Variants in SEMA4C observed in about 807,000 individuals in gnomAD.
SEMA4C encodes the protein semaphorin 4C.
SEMA4C carries 19 observed loss-of-function variants against 89.0 expected under a neutral mutation model. The ratio of observed to expected loss-of-function variants is 0.21; its 90% CI spans 0.15 to 0.31. The LOEUF is 0.31. Among genes scored for constraint, SEMA4C ranks in the 10% least tolerant of loss-of-function variants. The pLI is 1.00. For missense variants in SEMA4C, 811 were observed against 1,107.0 expected, an observed-to-expected ratio of 0.73 and a Z score of 3.79; for synonymous variants, 428 against 472.7, an observed-to-expected ratio of 0.91 and a Z score of 1.23.
rs1574147513 is a variant in SEMA4C at position 96,863,752 on chromosome 2, A to C, written c.1373T>G (p.Val458Gly). ...CAGCTGCAGCTCCTCAATCAGGTGA[A>C]CCCAGGGCCCCAGGCTCACAGCCTT... ...LLKAVSLGPW[V>G]HLIEELQLFD... Residue 458 changes from valine (V) to glycine (G), a missense_variant, in exon 12 of 15, where the codon GTT becomes GGT. Physicochemically the swap from Val to Gly is moderately radical, Grantham distance 109 (BLOSUM62 -3). Around this residue, in one of 4 missense-constraint regions of SEMA4C, gnomAD observed 441 missense variants for 664.9 expected, o/e 0.66. Coordinates refer to ENST00000305476, the MANE Select transcript of SEMA4C (RefSeq NM_017789.5). 4.3e-6 allele frequency: 7 copies of C among 1,613,978 alleles called. No individual in the cohort carries two copies. The highest frequency in any genetic ancestry group is 5.9e-6 in the Non-Finnish European group (7 of 1,180,020).
chr2:96,869,658 G>A (rs1336815507), intron 1 of SEMA4C: 4 of 984,912 alleles, frequency 4.1e-6, no homozygotes, highest in South Asian at 9.4e-5. Flanking sequence ...CCGGGGCTGC[G>A]GGGCTGCAGG....
rs2080018604 is a variant in SEMA4C, at chr2:96,864,264, G to A, written c.1081C>T (p.Pro361Ser). The part of the protein sequence containing the change: ...EAQKWDRYTD[P>S]VPSPRPGSCI... ...GAGCCAGGCCGAGGGCTGGGTACAGGGTCAGTGTAGCGGTCCCACTTCTGG... is the reference window on the plus strand; with the variant it reads ...GAGCCAGGCCGAGGGCTGGGTACAGAGTCAGTGTAGCGGTCCCACTTCTGG... The change falls in exon 10 of 15, where the codon CCT becomes TCT. Residue 361 changes from proline (P) to serine (S), a missense_variant. By Grantham distance (74) the Pro-to-Ser change is moderately conservative (BLOSUM62 -1). This residue lies in a region of SEMA4C where 441 missense variants were observed against 664.9 expected (regional missense o/e 0.66). Transcript: ENST00000305476. The surrounding 1 kb of genome is among the most constrained non-coding windows in gnomAD (Gnocchi z 6.3). The A allele has an allele frequency of 2.5e-6, 4 of 1,614,022 alleles. No individual in the cohort carries two copies. The highest frequency in any genetic ancestry group is 1.6e-4 in the Middle Eastern group (1 of 6,062).
In SEMA4C at chr2:96,861,919, G is replaced by A. The variant is rs551462063; in HGVS notation, c.1444-25C>T. On this transcript the variant is annotated intron_variant, in intron 12 of 14. Transcript: ENST00000305476. The surrounding 1 kb of genome is among the most constrained non-coding windows in gnomAD (Gnocchi z 7.8). ...TCTGCGAGAAAAGCGGGGCGCAGGA[G>A]GGGGGTCGGCCAGGGCCACACCACG... 4.7e-5 allele frequency: 74 copies of A among 1,585,500 alleles called. 1 individual carries two copies. Among genetic ancestry groups the A allele is most frequent in the South Asian group, 1.8e-4 (16 of 88,532 alleles).
At position 96,864,258 on chromosome 2, in the gene SEMA4C, G is replaced by A; in HGVS notation, c.1087C>T (p.Pro363Ser). ...CTCACCGAGCCAGGCCGAGGGCTGG[G>A]TACAGGGTCAGTGTAGCGGTCCCAC... is the stretch of plus-strand genomic sequence containing the variant. Reference protein sequence around the residue: ...QKWDRYTDPVPSPRPGSCINN... With the variant: ...QKWDRYTDPVSSPRPGSCINN... Residue 363 changes from proline to serine, a missense_variant, in exon 10 of 15, where the codon CCC becomes TCC. By Grantham distance (74) the Pro-to-Ser change is moderately conservative. Coordinates refer to ENST00000305476, the MANE Select transcript of SEMA4C (RefSeq NM_017789.5). The surrounding 1 kb of genome is among the most constrained non-coding windows in gnomAD (Gnocchi z 6.3). 6.2e-7 allele frequency: 1 copy of A among 1,614,058 alleles called. No homozygotes were observed. Among genetic ancestry groups the A allele is most frequent in the Non-Finnish European group, 8.5e-7 (1 of 1,180,020 alleles).
At chr2:96,868,730 C>A in intron 1 of SEMA4C, 1 of 984,144 alleles carries the variant, frequency 1.0e-6, no homozygotes, top group Non-Finnish European at 1.2e-6. Flanking sequence ...TCCGGCGGCG[C>A]GCGCAGGCGA....
In SEMA4C at chr2:96,863,948, A is replaced by G. The variant is rs1348629809; in HGVS notation, c.1308T>C (p.Tyr436=). 2 of 1,613,068 alleles carry G rather than the reference A, an allele frequency of 1.2e-6. No homozygotes were observed. Among genetic ancestry groups the G allele is most frequent in the Admixed American group, 1.7e-5 (1 of 59,968 alleles). ...DRVTGLDGAT[Y]TVLFIGTGDG... ...CACCTGTGCCAATGAACAGCACTGT[A>G]TAGGTGGCTCCATCAAGTCCTGTAA... The change falls in exon 11 of 15, where the codon TAT becomes TAC. Residue 436 remains tyrosine, a synonymous_variant. Transcript: ENST00000305476.
chr2:96,861,031 C>G lies in SEMA4C; in HGVS notation c.2097G>C (p.Lys699Asn). The change falls in exon 15 of 15, where the codon AAG (lysine) becomes AAC (asparagine). Residue 699 changes from lysine to asparagine, a missense_variant. Lys to Asn is a moderately conservative substitution (Grantham distance 94, BLOSUM62 0). Coordinates refer to ENST00000305476, the MANE Select transcript of SEMA4C (RefSeq NM_017789.5). This position sits in a 1 kb window ranked among gnomAD's most constrained non-coding sequence, Gnocchi z 7.8. ...GGTACACCAAGGTCCTCTCAGTAGC[C>G]TTGGCCCCTTTCTCCAGCTCTTCCC... ...RLREELEKGA[K>N]ATERTLVYPL... is the part of the protein sequence containing the mutation. 3.7e-6 allele frequency: 6 copies of G among 1,612,962 alleles called. No individual in the cohort carries two copies. Among genetic ancestry groups the G allele is most frequent in the Non-Finnish European group, 5.1e-6 (6 of 1,180,004 alleles).
At chr2:96,869,168 C>T (rs1407946825) in intron 1 of SEMA4C, 3 of 985,284 alleles carry the variant, frequency 3.0e-6, no homozygotes, top group Admixed American at 6.1e-5. Context: ...ACGCCCGCGG[C>T]CTCATCTCGG....
In SEMA4C at chr2:96,864,416, CCCA is replaced by C. The variant is rs2080022473; in HGVS notation, c.963-37_963-35del. On this transcript the variant is annotated intron_variant, in intron 9 of 14. Coordinates refer to ENST00000305476, the MANE Select transcript of SEMA4C (RefSeq NM_017789.5). The surrounding 1 kb of genome is among the most constrained non-coding windows in gnomAD (Gnocchi z 6.3). Reference sequence around the variant, plus strand: ...GCGAGAGGGAGCCCAGGGTCAGGTACCCACCTTATCTCTTCCCACCCCAGCTAA... The same window carrying C: ...GCGAGAGGGAGCCCAGGGTCAGGTACCCTTATCTCTTCCCACCCCAGCTAA... 2 of 1,609,578 alleles carry C rather than the reference CCCA, an allele frequency of 1.2e-6. No individual in the cohort carries two copies. Among genetic ancestry groups the C allele is most frequent in the Non-Finnish European group, 1.7e-6 (2 of 1,179,568 alleles).
chr2:96,865,623 G>A (rs761318115), intron 5 of SEMA4C, 43 bp downstream of exon 5: 2 of 1,600,058 alleles, frequency 1.2e-6, no homozygotes, highest in African/African-American at 2.7e-5. Context: ...AGGGTGAGGA[G>A]GGCGGGGGGC....
rs1392666943 is a variant in SEMA4C, at chr2:96,865,493, C to G, written c.465G>C (p.Gly155=). The change falls in exon 6 of 15, where the codon GGG becomes GGC. Residue 155 remains glycine, a synonymous_variant. Transcript: ENST00000305476. ...FTLEHGEFED[G]KGKCPYDPAK... Reference sequence around the variant, plus strand: ...CTGGGTCATAGGGACACTTGCCCTTCCCATCTTCAAACTCTCCATGCTCCA... The same window carrying G: ...CTGGGTCATAGGGACACTTGCCCTTGCCATCTTCAAACTCTCCATGCTCCA... The G allele has an allele frequency of 2.5e-6, 4 of 1,614,106 alleles. No homozygotes were observed. The highest frequency in any genetic ancestry group is 3.4e-6 in the Non-Finnish European group (4 of 1,180,036).
chr2:96,864,191 TGGCACCGCAGCTGGGTGGGGA>T lies in SEMA4C; in HGVS notation c.1107+26_1108-44del. On this transcript the variant is annotated intron_variant, in intron 10 of 14. Transcript: ENST00000305476. The surrounding 1 kb of genome is among the most constrained non-coding windows in gnomAD (Gnocchi z 6.3). Reference sequence around the variant, plus strand: ...GGGGCAGGCCATCAGCAGGGTGGGATGGCACCGCAGCTGGGTGGGGAGATGCATCCCTGCCCTAGCACTCAC... The same window carrying T: ...GGGGCAGGCCATCAGCAGGGTGGGATGATGCATCCCTGCCCTAGCACTCAC... 1.9e-6 allele frequency: 3 copies of T among 1,612,822 alleles called. No individual in the cohort carries two copies. The highest frequency in any genetic ancestry group is 2.5e-6 in the Non-Finnish European group (3 of 1,179,766).
At chr2:96,862,010 G>A (rs1432807410) in intron 12 of SEMA4C, 116 bp from the exon 13 acceptor site, 6 of 1,145,236 alleles carry the variant, frequency 5.2e-6, no homozygotes, top group Non-Finnish European at 7.3e-6. Context: ...GCACAGCACG[G>A]GGCGCCAGAA....
At chr2:96,867,033 G>C (rs1320179827) in intron 2 of SEMA4C, 1 of 209,308 alleles carries the variant, frequency 4.8e-6, no homozygotes, top group African/African-American at 2.3e-5. Flanking sequence ...AGATGGGGCT[G>C]GGGCCTGGGA....
chr2:96,867,986 A>C (rs1164729887), intron 1 of SEMA4C, 63 bp from the exon 2 acceptor site: 2 of 1,582,104 alleles, frequency 1.3e-6, no homozygotes. Flanking sequence ...AGGGGCCCGC[A>C]GCAGGAGAGG....
chr2:96,867,606 CA>C (rs1459006661), intron 2 of SEMA4C, among the ~76,000 whole-genome samples, 171 bp downstream of exon 2: 1 of 152,200 alleles, frequency 6.6e-6, no homozygotes, highest in Non-Finnish European at 1.5e-5. Flanking sequence ...GGGAGTTGGA[CA>C]GAGCTCCCCC....
rs1029917272 is a variant in SEMA4C, at chr2:96,863,802, G to T, written c.1331-8C>A. The stretch of plus-strand genomic sequence containing the variant: ...TGAGCAGCCAGCCGTCTCCTGGGGG[G>T]TGCAGAGGAGAAGGTGTAAATGAGA... On this transcript the variant is annotated splice_region_variant and splice_polypyrimidine_tract_variant and intron_variant, in intron 11 of 14. Transcript: ENST00000305476. The T allele has an allele frequency of 1.5e-5, 24 of 1,612,392 alleles. No individual in the cohort carries two copies. Among genetic ancestry groups the T allele is most frequent in the Non-Finnish European group, 2.0e-5 (24 of 1,178,790 alleles).
chr2:96,868,530 G>A lies in SEMA4C; in HGVS notation c.-37-607C>T, dbSNP rs990663906. On this transcript the variant is annotated intron_variant, in intron 1 of 14. Transcript: ENST00000305476. ...TTCCACATCAGCAGGGCAGGAGTGT[G>A]AGAAGGGCCGGGAGCGAAGGGGCCC... is the stretch of plus-strand genomic sequence containing the variant. 6.1e-6 allele frequency: 6 copies of A among 986,024 alleles called. No homozygotes were observed. In the African/African-American group the frequency reaches 1.0e-4, roughly 17 times the overall value. 61.1% of individuals were successfully genotyped at this position (986,024 alleles called of 1,614,324 possible). A position where few individuals can be genotyped will look rare whatever the true frequency, so the allele number is the denominator to read the frequency against.
At position 96,860,317 on chromosome 2, in the gene SEMA4C, C is replaced by T. The variant is rs1014476915; in HGVS notation, c.*309G>A. Reference sequence around the variant, plus strand: ...ACACACATACACACACACACAAACACATGTGCAAATACAGACAAACACACA... The same window carrying T: ...ACACACATACACACACACACAAACATATGTGCAAATACAGACAAACACACA... On this transcript the variant is annotated 3_prime_UTR_variant, in exon 15 of 15. Coordinates refer to ENST00000305476, the MANE Select transcript of SEMA4C (RefSeq NM_017789.5). 3 of 428,404 alleles carry T rather than the reference C, an allele frequency of 7.0e-6. No homozygotes were observed. Among genetic ancestry groups the T allele is most frequent in the Non-Finnish European group, 1.3e-5 (3 of 239,230 alleles). The allele number at this position is 428,404 out of a possible 1,614,324, so 26.5% of individuals were successfully genotyped here.
Sources: allele counts gnomAD v4.1 joint callset (sites outside exome capture counted in the v4.1 genomes callset), GRCh38; gene constraint gnomAD v4.1.1; regional missense constraint gnomAD v4.1.1; non-coding constraint Gnocchi (gnomAD v3.1); transcripts MANE v1.5; gene names NCBI Gene and HGNC (gene_info 2026-07-23, HGNC 2026-07-21).